MXRA7: variants seen among roughly 807,000 people sequenced by gnomAD.
MXRA7 encodes the protein matrix remodeling associated 7.
In MXRA7, 18 loss-of-function variants were observed where a neutral mutation model predicts 17.4. The ratio of observed to expected loss-of-function variants is 1.03; its 90% CI spans 0.71 to 1.53. The LOEUF (loss-of-function observed/expected upper bound fraction) is 1.53. Among genes scored for constraint, MXRA7 ranks in the 40% most tolerant of loss-of-function variants. The probability of loss-of-function intolerance (pLI) is 0.00; values close to 1 mark genes in which losing one functional copy is unlikely to be tolerated. For missense variants in MXRA7, 141 were observed against 209.3 expected, an observed-to-expected ratio of 0.67 and a Z score of 2.01; for synonymous variants, 70 against 101.7, an observed-to-expected ratio of 0.69 and a Z score of 1.87.
chr17:76,703,921 A>G (rs1329540878), intron 1 of MXRA7, among the ~76,000 whole-genome samples: 1 of 151,476 alleles, frequency 6.6e-6, no homozygotes, highest in Non-Finnish European at 1.5e-5. Context: ...GTTTTAGCCA[A>G]TGTAACCCTG....
At chr17:76,701,823 C>G (rs2076595033) in intron 1 of MXRA7, among the ~76,000 whole-genome samples, 1 of 152,164 alleles carries the variant, frequency 6.6e-6, no homozygotes, top group East Asian at 1.9e-4. Flanking sequence ...CCTCACATCC[C>G]GATCAAGGGC....
chr17:76,707,550 T>C (rs899928520), intron 1 of MXRA7, among the ~76,000 whole-genome samples: 2 of 152,096 alleles, frequency 1.3e-5, no homozygotes, highest in South Asian at 4.1e-4. Flanking sequence ...GTGATCCTCC[T>C]GCCTCGGCCT....
Position 76,694,186 on chromosome 17 carries a change from T to G in MXRA7, c.343-6010A>C, listed in dbSNP as rs189475120. ...GTGAGCTGCCTAGAGTGGGCCCGGGTGGAGAGACTCGTTGGAGAGCCCCCT... is the reference window on the plus strand; with the variant it reads ...GTGAGCTGCCTAGAGTGGGCCCGGGGGGAGAGACTCGTTGGAGAGCCCCCT... On this transcript the variant is annotated intron_variant, in intron 1 of 3. Transcript: ENST00000449428. 3.3e-3 allele frequency among the ~76,000 whole-genome samples: 495 copies of G among 152,210 alleles called. 1 individual carries two copies. Among genetic ancestry groups the G allele is most frequent in the African/African-American group, 0.011 (452 of 41,520 alleles).
rs2076287509 is a variant in MXRA7, at chr17:76,680,477, A to T, written c.*390T>A. ...TCTGTGGTTTGGCTTCAGTGAGGGC[A>T]AAAGAGGGGAGACTGGAGTGAAAGT... On this transcript the variant is annotated 3_prime_UTR_variant, in exon 4 of 4. Coordinates refer to ENST00000449428, the MANE Select transcript of MXRA7 (RefSeq NM_198530.4). The T allele has an allele frequency of 6.0e-6, 6 of 997,238 alleles. No individual in the cohort carries two copies. 61.8% of individuals were successfully genotyped at this position (997,238 alleles called of 1,614,324 possible).
At chr17:76,678,346 G>A (rs900926742), downstream of MXRA7, among the ~76,000 whole-genome samples, 23 of 152,222 alleles carry the variant, frequency 1.5e-4, no homozygotes, top group African/African-American at 5.5e-4. Context: ...TGGCCTAAAT[G>A]TTTGCTCCAC....
chr17:76,675,188 C>T (rs2076230393), downstream of MXRA7: 1 of 152,078 alleles, frequency 6.6e-6, no homozygotes, highest in Non-Finnish European at 1.5e-5. Context: ...GACTCAAGTA[C>T]ACGAGTCATT....
At chr17:76,683,274 C>T (rs931657778) in intron 3 of MXRA7, among the ~76,000 whole-genome samples, 10 of 152,180 alleles carry the variant, frequency 6.6e-5, no homozygotes, top group Admixed American at 4.6e-4. Context: ...TCGGCCACTG[C>T]GGCACAAAGA....
chr17:76,677,577 G>A (rs376761674), downstream of MXRA7: 53 of 1,594,368 alleles, frequency 3.3e-5, no homozygotes, highest in Non-Finnish European at 3.9e-5. Flanking sequence ...TGTGCATCCC[G>A]TGGGCGCAGT....
intron 1 of MXRA7, 194 bp from the exon 2 acceptor site, chr17:76,688,370 G>A (rs2286586): frequency 0.36 from 511,783 of 1,433,646 alleles, 94,007 homozygotes; most frequent in Non-Finnish European, 0.38. Flanking sequence ...AAAGTGACTC[G>A]GCTCACAAAT....
intron 3 of MXRA7, among the ~76,000 whole-genome samples, chr17:76,683,609 C>T (rs893859472): frequency 6.6e-6 from 1 of 152,216 alleles, no homozygotes; most frequent in Non-Finnish European, 1.5e-5. Flanking sequence ...GCCCATTAGG[C>T]CCCCTCCAGG....
chr17:76,698,516 A>G (rs1396224251), intron 1 of MXRA7, among the ~76,000 whole-genome samples: 1 of 152,014 alleles, frequency 6.6e-6, no homozygotes, highest in African/African-American at 2.4e-5. Context: ...CAGGCTGGGG[A>G]CACGCAGGCT....
intron 1 of MXRA7, among the ~76,000 whole-genome samples, chr17:76,696,055 A>T (rs1807168377): frequency 6.6e-6 from 1 of 152,164 alleles, no homozygotes; most frequent in Non-Finnish European, 1.5e-5. Context: ...AGATCGCACC[A>T]CTGCACTCCA....
Position 76,681,769 on chromosome 17 carries a change from G to A in MXRA7, c.501-890C>T, listed in dbSNP as rs751361165. On this transcript the variant is annotated intron_variant, in intron 3 of 3. Coordinates refer to ENST00000449428, the MANE Select transcript of MXRA7 (RefSeq NM_198530.4). This position sits in a 1 kb window ranked among gnomAD's most constrained non-coding sequence, Gnocchi z 4.7. The stretch of plus-strand genomic sequence containing the variant: ...GACAGCCGCGCCTGTTCTTTCTCCT[G>A]CCAAGCTGTGAAGCCAGCCAAGCCC... Among the ~76,000 whole-genome samples, 1 of 152,226 alleles carries A rather than the reference G, an allele frequency of 6.6e-6. No individual in the cohort carries two copies. Among genetic ancestry groups the A allele is most frequent in the Non-Finnish European group, 1.5e-5 (1 of 68,038 alleles).
rs1567984220 is a variant in MXRA7 at position 76,692,546 on chromosome 17, C to A, written c.343-4370G>T. Among the ~76,000 whole-genome samples the A allele has an allele frequency of 2.0e-5, 3 of 151,752 alleles. No homozygotes were observed. The South Asian group carries it at 6.2e-4, about 32-fold the overall frequency. On this transcript the variant is annotated intron_variant, in intron 1 of 3. Transcript: ENST00000449428. ...GGGATTACAGGTGTGGGCCACCGCGCCCGGCCTGGAAGTCTGATTTTTAAA... is the reference window on the plus strand; with the variant it reads ...GGGATTACAGGTGTGGGCCACCGCGACCGGCCTGGAAGTCTGATTTTTAAA...
Position 76,681,601 on chromosome 17 carries a change from G to T in MXRA7, c.501-722C>A, listed in dbSNP as rs190546530. On this transcript the variant is annotated intron_variant, in intron 3 of 3. Transcript: ENST00000449428. This position sits in a 1 kb window ranked among gnomAD's most constrained non-coding sequence, Gnocchi z 4.7. ...CACTAGCACCTTCCTCTAGAGTCATGTCCATTTCCAGAGGAGTCAAGACAG... is the reference window on the plus strand; with the variant it reads ...CACTAGCACCTTCCTCTAGAGTCATTTCCATTTCCAGAGGAGTCAAGACAG... Among the ~76,000 whole-genome samples, 1 of 152,162 alleles carries T rather than the reference G, an allele frequency of 6.6e-6. No individual in the cohort carries two copies. Among genetic ancestry groups the T allele is most frequent in the Non-Finnish European group, 1.5e-5 (1 of 68,024 alleles).
At chr17:76,688,985 C>T (rs965859521) in intron 1 of MXRA7, 20 of 192,110 alleles carry the variant, frequency 1.0e-4, no homozygotes, top group African/African-American at 4.4e-4. Flanking sequence ...TGAGCTGTGC[C>T]GGGAGGCAAA....
intron 1 of MXRA7, among the ~76,000 whole-genome samples, chr17:76,698,473 A>G (rs936496349): frequency 1.2e-4 from 19 of 152,022 alleles, no homozygotes; most frequent in African/African-American, 4.6e-4. Context: ...CCGGCAAAAC[A>G]ACTCAGCCAT....
intron 1 of MXRA7, among the ~76,000 whole-genome samples, chr17:76,699,848 G>T (rs2076572147): frequency 6.6e-6 from 1 of 152,236 alleles, no homozygotes; most frequent in Non-Finnish European, 1.5e-5. Flanking sequence ...AGGGGACAGA[G>T]TAAAAGGGGC....
At position 76,683,785 on chromosome 17, in the gene MXRA7, G is replaced by A. The variant is rs544256738; in HGVS notation, c.500+1287C>T. On this transcript the variant is annotated intron_variant, in intron 3 of 3. Coordinates refer to ENST00000449428, the MANE Select transcript of MXRA7 (RefSeq NM_198530.4). Reference sequence around the variant, plus strand: ...GAGGTTGAGGCCGCGTCAGTTGTTTGGGGGCACGTTAGCACGCAGTAGAAG... The same window carrying A: ...GAGGTTGAGGCCGCGTCAGTTGTTTAGGGGCACGTTAGCACGCAGTAGAAG... The A allele has an allele frequency of 1.8e-4, 232 of 1,265,882 alleles. No individual in the cohort carries two copies. In the African/African-American group the frequency reaches 2.3e-3, roughly 13 times the overall value. The allele number at this position is 1,265,882 out of a possible 1,614,324, so 78.4% of individuals were successfully genotyped here.
Sources: allele counts gnomAD v4.1 joint callset (sites outside exome capture counted in the v4.1 genomes callset), GRCh38; gene constraint gnomAD v4.1.1; non-coding constraint Gnocchi (gnomAD v3.1); transcripts MANE v1.5; gene names NCBI Gene and HGNC (gene_info 2026-07-23, HGNC 2026-07-21).